Variants in ZFR observed in about 807,000 individuals in gnomAD.
ZFR encodes the protein zinc finger RNA-binding protein.
ZFR carries 19 observed loss-of-function variants against 130.7 expected under a neutral mutation model. That is an observed-to-expected ratio of 0.15 (90% CI 0.10 to 0.21). The LOEUF (loss-of-function observed/expected upper bound fraction) is 0.21, where lower values mean the gene tolerates loss of function less well. ZFR is among the 10% of genes least tolerant of loss of function. The pLI, the probability that ZFR is intolerant of heterozygous loss-of-function variation, is 1.00. For synonymous variants in ZFR, 466 were observed against 456.9 expected, an observed-to-expected ratio of 1.02 and a Z score of -0.25; for missense variants, 872 against 1,321.5, an observed-to-expected ratio of 0.66 and a Z score of 5.27.
intron 5 of ZFR, among the ~76,000 whole-genome samples, chr5:32,414,735 T>C (rs891241591): frequency 4.6e-5 from 7 of 152,198 alleles, no homozygotes; most frequent in African/African-American, 1.7e-4. Context: ...AGACTCATAA[T>C]GAGCCTTAAA....
chr5:32,355,739 C>G lies in ZFR; in HGVS notation c.*21G>C. 6.5e-7 allele frequency: 1 copy of G among 1,547,550 alleles called. No homozygotes were observed. Among genetic ancestry groups the G allele is most frequent in the Non-Finnish European group, 8.7e-7 (1 of 1,150,090 alleles). On this transcript the variant is annotated 3_prime_UTR_variant, in exon 20 of 20. Transcript: ENST00000265069. ...CAAATGGGCATCTGTTTTTTTAACA[C>G]TGAAGATTTACAGACACTTTTTAAA...
chr5:32,383,079 T>C (rs1172959978), intron 15 of ZFR, among the ~76,000 whole-genome samples: 6 of 152,230 alleles, frequency 3.9e-5, no homozygotes, highest in Admixed American at 3.3e-4. Context: ...AATATATTAA[T>C]TCAAATTAAC....
At chr5:32,397,485 G>T in intron 9 of ZFR, 147 bp from the exon 10 acceptor site, 1 of 1,012,184 alleles carries the variant, frequency 9.9e-7, no homozygotes, top group Non-Finnish European at 1.4e-6. Flanking sequence ...ACAGAGTCTT[G>T]CTCTGTCGCC....
chr5:32,430,135 A>T (rs532426113), intron 2 of ZFR, among the ~76,000 whole-genome samples: 17 of 151,812 alleles, frequency 1.1e-4, no homozygotes, highest in Non-Finnish European at 2.2e-4. Context: ...ACACTAATAT[A>T]AGCAAAAGTG....
chr5:32,442,569 C>T (rs1754498496), intron 2 of ZFR, among the ~76,000 whole-genome samples: 1 of 152,214 alleles, frequency 6.6e-6, no homozygotes, highest in Non-Finnish European at 1.5e-5. Flanking sequence ...CATCTCAGTG[C>T]TTTTTCTGGA....
At chr5:32,432,852 C>G (rs1054975465) in intron 2 of ZFR, among the ~76,000 whole-genome samples, 2 of 151,712 alleles carry the variant, frequency 1.3e-5, no homozygotes, top group African/African-American at 4.8e-5. Context: ...CCTCAGTCTT[C>G]TAAGTAGCTG....
intron 2 of ZFR, among the ~76,000 whole-genome samples, chr5:32,424,879 A>G (rs1442272513): frequency 6.6e-6 from 1 of 152,230 alleles, no homozygotes; most frequent in East Asian, 1.9e-4. Flanking sequence ...ATCATAAATA[A>G]GAGTATACAT....
intron 15 of ZFR, among the ~76,000 whole-genome samples, chr5:32,381,588 G>A (rs1052866505): frequency 1.3e-5 from 2 of 152,148 alleles, no homozygotes; most frequent in African/African-American, 2.4e-5. Flanking sequence ...ACTAGCTGCA[G>A]TTCTGGTCAA....
chr5:32,358,584 G>A (rs540625608), intron 19 of ZFR, among the ~76,000 whole-genome samples: 15 of 152,156 alleles, frequency 9.9e-5, no homozygotes, highest in Non-Finnish European at 2.2e-4. Context: ...ATGAACCCCG[G>A]AGGCGGCTGC....
intron 10 of ZFR, among the ~76,000 whole-genome samples, chr5:32,396,473 G>C (rs531477048): frequency 1.2e-3 from 189 of 152,080 alleles, no homozygotes; most frequent in Non-Finnish European, 2.3e-3. Flanking sequence ...AGGCACGGTG[G>C]CTCACGCATG....
At chr5:32,377,868 T>C (rs915028105) in intron 17 of ZFR, among the ~76,000 whole-genome samples, 8 of 152,024 alleles carry the variant, frequency 5.3e-5, no homozygotes, top group African/African-American at 1.9e-4. Flanking sequence ...ATTGTTGTAT[T>C]ATTAGTAGAG....
At chr5:32,430,695 A>G (rs1275236582) in intron 2 of ZFR, among the ~76,000 whole-genome samples, 1 of 152,206 alleles carries the variant, frequency 6.6e-6, no homozygotes, top group Non-Finnish European at 1.5e-5. Flanking sequence ...ATGAGCAGCC[A>G]GAGGGAAAAA....
intron 17 of ZFR, among the ~76,000 whole-genome samples, chr5:32,370,411 C>T (rs1349363451): frequency 6.6e-6 from 1 of 151,646 alleles, no homozygotes; most frequent in African/African-American, 2.4e-5. Flanking sequence ...CTTGCCCTGT[C>T]GCCCAGGGTG....
intron 2 of ZFR, among the ~76,000 whole-genome samples, chr5:32,432,159 T>C (rs1754239669): frequency 6.6e-6 from 1 of 152,014 alleles, no homozygotes; most frequent in African/African-American, 2.4e-5. Context: ...ACCCGGGTAA[T>C]TGTTCGCAGA....
At chr5:32,390,116 C>T (rs1753131164) in intron 12 of ZFR, among the ~76,000 whole-genome samples, 159 bp downstream of exon 12, 1 of 152,266 alleles carries the variant, frequency 6.6e-6, no homozygotes, top group Non-Finnish European at 1.5e-5. Flanking sequence ...GATCACGCCA[C>T]TGCACTCCAG....
intron 2 of ZFR, among the ~76,000 whole-genome samples, chr5:32,426,341 C>A (rs773550236): frequency 6.6e-6 from 1 of 150,892 alleles, no homozygotes; most frequent in African/African-American, 2.4e-5. Context: ...AAAACCCAAG[C>A]GATCATCTCA....
In ZFR at chr5:32,428,939, C is replaced by T. The variant is rs192230499; in HGVS notation, c.138-8836G>A. ...AACTTTGGGGCTACCAAACGAACCA[C>T]CACAGTAGGTGAATTAGAAAAAAGT... On this transcript the variant is annotated intron_variant, in intron 2 of 19. Transcript: ENST00000265069. 1.4e-3 allele frequency among the ~76,000 whole-genome samples: 214 copies of T among 151,126 alleles called. 1 individual carries two copies. The highest frequency in any genetic ancestry group is 0.014 in the Middle Eastern group (4 of 288).
intron 5 of ZFR, among the ~76,000 whole-genome samples, chr5:32,414,105 A>G (rs912237620): frequency 4.6e-5 from 7 of 152,162 alleles, no homozygotes; most frequent in Admixed American, 1.3e-4. Flanking sequence ...CAGAGCACAC[A>G]TGGCTTTACA....
rs201568689 is a variant in ZFR, at chr5:32,404,003, C to A, written c.1127G>T (p.Arg376Leu). Residue 376 changes from arginine to leucine, a missense_variant, in exon 7 of 20, where the codon CGT (arginine) becomes CTT (leucine). By Grantham distance (102) the Arg-to-Leu change is moderately radical. Around this residue, in one of 7 missense-constraint regions of ZFR, gnomAD observed 31 missense variants for 21.8 expected, o/e 1.42. Transcript: ENST00000265069. The stretch of plus-strand genomic sequence containing the variant: ...ACAACGTAGCTGATTTTGAGTCCCA[C>A]GAGTAGAACTGTTGCTGCTGCTGGT... The part of the protein sequence containing the change: ...QNTSSSNSST[R>L]GTQNQLRCEL... 1.9e-6 allele frequency: 3 copies of A among 1,614,082 alleles called. No homozygotes were observed. In the African/African-American group the frequency reaches 4.0e-5, roughly 22 times the overall value.
Sources: allele counts gnomAD v4.1 joint callset (sites outside exome capture counted in the v4.1 genomes callset), GRCh38; gene constraint gnomAD v4.1.1; regional missense constraint gnomAD v4.1.1; transcripts MANE v1.5; gene names NCBI Gene and HGNC (gene_info 2026-07-23, HGNC 2026-07-21).